The following SPAG16 variants were observed in gnomAD, a reference collection of about 807,000 sequenced individuals.
SPAG16 encodes the protein sperm associated antigen 16.
In SPAG16, 86 loss-of-function variants were observed where a neutral mutation model predicts 80.4. The observed-to-expected ratio is 1.07, with a 90% CI of 0.90 to 1.28. The LOEUF (loss-of-function observed/expected upper bound fraction) is 1.28. Ranked by LOEUF, SPAG16 falls within the 50% of genes most tolerant of loss-of-function variation. SPAG16 has a pLI of 0.00. For missense variants in SPAG16, 870 were observed against 765.3 expected (o/e 1.14, Z -1.61); for synonymous variants, 294 against 265.9 (o/e 1.11, Z -1.03).
chr2:214,219,570 C>T (rs2058512534), intron 15 of SPAG16, among the ~76,000 whole-genome samples: 1 of 151,942 alleles, frequency 6.6e-6, no homozygotes, highest in Non-Finnish European at 1.5e-5. Flanking sequence ...TTAAAAAAAT[C>T]CAAGAAGAAG....
chr2:214,059,198 A>G (rs1453351869), intron 13 of SPAG16, among the ~76,000 whole-genome samples: 42 of 51,168 alleles, frequency 8.2e-4, no homozygotes, highest in African/African-American at 3.2e-3. Context: ...ATATATATAT[A>G]TATATATATA....
chr2:213,648,674 T>A (rs1559342833), intron 10 of SPAG16, among the ~76,000 whole-genome samples: 1 of 152,202 alleles, frequency 6.6e-6, no homozygotes, highest in Non-Finnish European at 1.5e-5. Context: ...CTTCATTTTT[T>A]AAATTTTCTT....
intron 10 of SPAG16, among the ~76,000 whole-genome samples, chr2:213,839,349 A>G (rs2074254750): frequency 6.6e-6 from 1 of 152,214 alleles, no homozygotes; most frequent in African/African-American, 2.4e-5. Flanking sequence ...GTTATTAAAA[A>G]TGTATTTTTT....
chr2:213,375,471 C>T (rs1005160434), intron 9 of SPAG16, among the ~76,000 whole-genome samples: 1 of 151,990 alleles, frequency 6.6e-6, no homozygotes. Context: ...CAAAATGTAA[C>T]GTCAGACTTT....
chr2:214,152,421 A>G (rs923695967), intron 15 of SPAG16, among the ~76,000 whole-genome samples: 2 of 152,086 alleles, frequency 1.3e-5, no homozygotes, highest in African/African-American at 4.8e-5. Context: ...CACATTACCT[A>G]TTTCTCCTCA....
intron 10 of SPAG16, among the ~76,000 whole-genome samples, chr2:213,624,872 C>T (rs1344541605): frequency 6.6e-6 from 1 of 152,092 alleles, no homozygotes; most frequent in Non-Finnish European, 1.5e-5. Context: ...CTCACTGCAA[C>T]CTCTGCCTCC....
chr2:214,029,987 A>G (rs1275242981), intron 13 of SPAG16, among the ~76,000 whole-genome samples: 1 of 152,140 alleles, frequency 6.6e-6, no homozygotes, highest in African/African-American at 2.4e-5. Flanking sequence ...AGTGGTAAGA[A>G]CAATCAACAT....
intron 11 of SPAG16, among the ~76,000 whole-genome samples, chr2:213,893,542 T>C (rs1457441352): frequency 1.3e-5 from 2 of 152,142 alleles, no homozygotes; most frequent in African/African-American, 4.8e-5. Flanking sequence ...ATATAAAATA[T>C]GTAAACTAAC....
chr2:214,325,725 T>C (rs200717317), intron 15 of SPAG16, among the ~76,000 whole-genome samples: 9 of 3,626 alleles, frequency 2.5e-3, no homozygotes, highest in Non-Finnish European at 0.011. Context: ...ATTGATTAGC[T>C]TTTTTTTTTT....
At chr2:214,144,290 G>A (rs752449413) in intron 14 of SPAG16, among the ~76,000 whole-genome samples, 2 of 151,110 alleles carry the variant, frequency 1.3e-5, no homozygotes, top group Non-Finnish European at 3.0e-5. Flanking sequence ...CACATTTAAA[G>A]TATTAAAGGA....
intron 10 of SPAG16, among the ~76,000 whole-genome samples, chr2:213,585,734 G>C (rs916153337): frequency 4.6e-5 from 7 of 152,008 alleles, no homozygotes; most frequent in African/African-American, 1.2e-4. Flanking sequence ...TCTTATTCTT[G>C]GAGAGGTGAA....
chr2:214,243,628 A>G (rs777401732), intron 15 of SPAG16, among the ~76,000 whole-genome samples: 1 of 152,138 alleles, frequency 6.6e-6, no homozygotes, highest in Non-Finnish European at 1.5e-5. Context: ...GTTTAAGACT[A>G]TATATCACTT....
intron 15 of SPAG16, among the ~76,000 whole-genome samples, chr2:214,294,347 G>C (rs1693995347): frequency 6.6e-6 from 1 of 152,138 alleles, no homozygotes; most frequent in South Asian, 2.1e-4. Flanking sequence ...AACTGAGAAG[G>C]CTGCCTCATT....
At chr2:214,256,291 CTTGT>C (rs368026530) in intron 15 of SPAG16, among the ~76,000 whole-genome samples, 3 of 151,624 alleles carry the variant, frequency 2.0e-5, no homozygotes, top group Non-Finnish European at 4.4e-5. Flanking sequence ...TTTTAATTGG[CTTGT>C]TTGTCTTTTT....
chr2:213,636,695 C>T (rs1192605769), intron 10 of SPAG16, among the ~76,000 whole-genome samples: 2 of 151,956 alleles, frequency 1.3e-5, no homozygotes, highest in East Asian at 1.9e-4. Context: ...GATTCCTAAG[C>T]TTTTTGTTTG....
At chr2:213,884,528 G>T (rs1473501248) in intron 11 of SPAG16, among the ~76,000 whole-genome samples, 1 of 152,092 alleles carries the variant, frequency 6.6e-6, no homozygotes, top group Non-Finnish European at 1.5e-5. Flanking sequence ...TCTTGGGTTT[G>T]CATGTCAACC....
At chr2:213,694,221 A>G (rs1400789536) in intron 10 of SPAG16, among the ~76,000 whole-genome samples, 1 of 152,192 alleles carries the variant, frequency 6.6e-6, no homozygotes, top group African/African-American at 2.4e-5. Context: ...AAAATGTATT[A>G]TAAGCATTTA....
intron 10 of SPAG16, among the ~76,000 whole-genome samples, chr2:213,710,638 A>G (rs527737857): frequency 6.6e-6 from 1 of 152,356 alleles, no homozygotes; most frequent in East Asian, 1.9e-4. Context: ...CACTTTAGTA[A>G]CATGGCTTTT....
intron 10 of SPAG16, among the ~76,000 whole-genome samples, chr2:213,650,075 A>G (rs1199797397): frequency 6.6e-6 from 1 of 152,128 alleles, no homozygotes; most frequent in Non-Finnish European, 1.5e-5. Flanking sequence ...AAGGAGAAGA[A>G]TGGCAGTTTT....
Sources: allele counts gnomAD v4.1 joint callset (sites outside exome capture counted in the v4.1 genomes callset), GRCh38; gene constraint gnomAD v4.1.1; transcripts MANE v1.5; gene names NCBI Gene and HGNC (gene_info 2026-07-23, HGNC 2026-07-21).